Variants in ENPP6 observed in about 807,000 individuals in gnomAD.
ENPP6 encodes the protein ectonucleotide pyrophosphatase/phosphodiesterase 6.
ENPP6 carries 32 observed loss-of-function variants against 42.0 expected under a neutral mutation model. That is an observed-to-expected ratio of 0.76 (90% confidence interval 0.58 to 1.02). The LOEUF (loss-of-function observed/expected upper bound fraction) is 1.02, where lower values mean the gene tolerates loss of function less well. Among genes scored for constraint, ENPP6 ranks in the 50% least tolerant of loss-of-function variants. ENPP6 has a pLI of 0.00. For missense variants in ENPP6, 552 were observed against 566.8 expected, an observed-to-expected ratio of 0.97 and a Z score of 0.27; for synonymous variants, 213 against 216.0, an observed-to-expected ratio of 0.99 and a Z score of 0.12.
intron 2 of ENPP6, among the ~76,000 whole-genome samples, chr4:184,126,673 A>C (rs2111353744): frequency 6.6e-6 from 1 of 152,368 alleles, no homozygotes; most frequent in South Asian, 2.1e-4. Flanking sequence ...TCAGTGACCC[A>C]AGAAGTTGGC....
chr4:184,096,133 A>C (rs571761411), intron 7 of ENPP6, among the ~76,000 whole-genome samples: 2 of 152,322 alleles, frequency 1.3e-5, no homozygotes, highest in South Asian at 4.1e-4. Flanking sequence ...GTGTTTCCTA[A>C]GCTCAGGCAC....
intron 6 of ENPP6, among the ~76,000 whole-genome samples, chr4:184,111,281 T>G (rs1394168009): frequency 6.6e-6 from 1 of 152,240 alleles, no homozygotes; most frequent in African/African-American, 2.4e-5. Flanking sequence ...CAGGGCATAT[T>G]TGCTTTTAAA....
chr4:184,137,912 G>T (rs1215918388), intron 2 of ENPP6, among the ~76,000 whole-genome samples: 2 of 152,168 alleles, frequency 1.3e-5, no homozygotes, highest in African/African-American at 4.8e-5. Context: ...CCAGGTCTTG[G>T]CATGTCTCTG....
At chr4:184,214,877 C>T (rs997261333) in intron 1 of ENPP6, among the ~76,000 whole-genome samples, 3 of 152,150 alleles carry the variant, frequency 2.0e-5, no homozygotes, top group African/African-American at 7.2e-5. Context: ...AAATACCTAA[C>T]GCATGCAGGG....
intron 1 of ENPP6, among the ~76,000 whole-genome samples, chr4:184,182,308 G>A (rs774040528): frequency 1.3e-5 from 2 of 152,100 alleles, no homozygotes; most frequent in African/African-American, 2.4e-5. Context: ...AAACCACAAT[G>A]AGATACCATC....
chr4:184,116,890 A>G lies in ENPP6; in HGVS notation c.821T>C (p.Val274Ala). ...LQQVKDRGPV[V>A]SLWPAPGKHS... ...TTTCCCAGGGGCCGGCCAAAGGCTC[A>G]CAACAGGCCCGCGGTCCTTCACTTG... Residue 274 changes from valine (V) to alanine (A), a missense_variant, in exon 5 of 8, where the codon GTG (valine) becomes GCG (alanine). Transcript: ENST00000296741. The G allele has an allele frequency of 6.2e-7, 1 of 1,614,092 alleles. No individual in the cohort carries two copies. The highest frequency in any genetic ancestry group is 8.5e-7 in the Non-Finnish European group (1 of 1,180,032).
At chr4:184,118,626 A>C (rs1258349867) in intron 3 of ENPP6, among the ~76,000 whole-genome samples, 2 of 152,218 alleles carry the variant, frequency 1.3e-5, no homozygotes, top group African/African-American at 4.8e-5. Flanking sequence ...TTGACATTTC[A>C]TTGACTCATT....
chr4:184,132,332 T>C (rs909134502), intron 2 of ENPP6, among the ~76,000 whole-genome samples: 19 of 152,218 alleles, frequency 1.2e-4, no homozygotes, highest in African/African-American at 4.1e-4. Flanking sequence ...TCTTTACATA[T>C]GTTTATTGAC....
At chr4:184,205,302 G>A (rs928777655) in intron 1 of ENPP6, among the ~76,000 whole-genome samples, 13 of 152,330 alleles carry the variant, frequency 8.5e-5, no homozygotes, top group African/African-American at 2.6e-4. Context: ...AATAAAGAAA[G>A]TAAGAGGGAG....
chr4:184,162,547 A>AGAAGGAGGGAGG (rs112158447), intron 1 of ENPP6, among the ~76,000 whole-genome samples: 3 of 34,522 alleles, frequency 8.7e-5, no homozygotes, highest in African/African-American at 1.4e-4. Flanking sequence ...GAGGGAGGGA[A>AGAAGGAGGGAGG]GAAGGAAGGA....
intron 1 of ENPP6, among the ~76,000 whole-genome samples, chr4:184,213,313 T>C (rs1733146040): frequency 6.6e-6 from 1 of 150,810 alleles, no homozygotes. Flanking sequence ...ACCTACAAAA[T>C]GGGAGAAAAT....
chr4:184,113,894 C>CTTTTCTTTCTTTCT (rs1579615121), intron 5 of ENPP6, among the ~76,000 whole-genome samples: 1 of 148,358 alleles, frequency 6.7e-6, no homozygotes, highest in African/African-American at 2.5e-5. Flanking sequence ...TCCTTCCTTT[C>CTTTTCTTTCTTTCT]TTTCTTTTCT....
At chr4:184,208,572 C>A (rs1351410010) in intron 1 of ENPP6, among the ~76,000 whole-genome samples, 10 of 151,848 alleles carry the variant, frequency 6.6e-5, no homozygotes, top group Non-Finnish European at 1.3e-4. Flanking sequence ...TAACCCGCAC[C>A]TGGCTGGGAG....
chr4:184,162,339 TA>T (rs1246896810), intron 1 of ENPP6, among the ~76,000 whole-genome samples: 2 of 152,122 alleles, frequency 1.3e-5, no homozygotes, highest in African/African-American at 4.8e-5. Context: ...AATGCATGAC[TA>T]TTGTTGGATA....
At chr4:184,109,860 G>A (rs1736170762) in intron 6 of ENPP6, among the ~76,000 whole-genome samples, 1 of 152,288 alleles carries the variant, frequency 6.6e-6, no homozygotes, top group South Asian at 2.1e-4. Flanking sequence ...GTGTGTGTGT[G>A]TGTGTGATTT....
At position 184,117,969 on chromosome 4, in the gene ENPP6, T is replaced by C. The variant is rs75116728; in HGVS notation, c.534-69A>G. On this transcript the variant is annotated intron_variant, in intron 3 of 7. Coordinates refer to ENST00000296741, the MANE Select transcript of ENPP6 (RefSeq NM_153343.4). The stretch of plus-strand genomic sequence containing the variant: ...CCAGCTTGCTCCCTTATCACCCCCA[T>C]AGCACTCTCTGAAGGTGTTCACGCC... The C allele has an allele frequency of 6.6e-4, 1,021 of 1,552,206 alleles. 21 individuals are homozygous for C. In the East Asian group the frequency reaches 0.022, roughly 34 times the overall value.
intron 1 of ENPP6, among the ~76,000 whole-genome samples, chr4:184,208,186 G>C (rs932499950): frequency 6.6e-6 from 1 of 152,064 alleles, no homozygotes; most frequent in African/African-American, 2.4e-5. Context: ...TCCCCTGCTT[G>C]AATGTAATCT....
At chr4:184,193,056 C>G (rs545907532) in intron 1 of ENPP6, among the ~76,000 whole-genome samples, 57 of 152,198 alleles carry the variant, frequency 3.7e-4, no homozygotes, top group Non-Finnish European at 6.9e-4. Context: ...ATGGTGCAGC[C>G]ATTTTGAAAA....
At chr4:184,213,111 C>T (rs1023269054) in intron 1 of ENPP6, among the ~76,000 whole-genome samples, 107 of 149,754 alleles carry the variant, frequency 7.1e-4, no homozygotes, top group African/African-American at 2.5e-3. Flanking sequence ...AAGACTTAAA[C>T]GTTAGACCTA....
Sources: gnomAD v4.1 joint callset for allele counts (sites outside exome capture counted in the v4.1 genomes callset) on GRCh38, gnomAD v4.1.1 for gene constraint, MANE v1.5 for transcripts, NCBI Gene and HGNC (gene_info 2026-07-23, HGNC 2026-07-21) for gene names.